Variants in FAM81B observed in about 807,000 individuals in gnomAD.
FAM81B encodes the protein protein FAM81B.
Under a neutral mutation model 58.7 loss-of-function variants are expected in FAM81B, and 60 were observed. The observed-to-expected ratio is 1.02, with a 90% CI of 0.83 to 1.27. The LOEUF (loss-of-function observed/expected upper bound fraction) is 1.27. FAM81B is among the 50% of genes most tolerant of loss of function. FAM81B has a pLI of 0.00. For missense variants in FAM81B, 491 were observed against 522.0 expected, an observed-to-expected ratio of 0.94 and a Z score of 0.58; for synonymous variants, 189 against 179.6, an observed-to-expected ratio of 1.05 and a Z score of -0.42.
intron 4 of FAM81B, among the ~76,000 whole-genome samples, chr5:95,414,595 G>A (rs6892564): frequency 0.27 from 41,699 of 151,832 alleles, 5,962 homozygotes; most frequent in Non-Finnish European, 0.3. Context: ...CTCTAGCCCC[G>A]TCTTCTACCC....
In FAM81B at chr5:95,415,482, CT is replaced by C. The variant is rs367665218; in HGVS notation, c.537+1296del. Among the ~76,000 whole-genome samples, 624 of 152,260 alleles carry C rather than the reference CT, an allele frequency of 4.1e-3. 3 individuals carry two copies. The highest frequency in any genetic ancestry group is 0.011 in the South Asian group (53 of 4,816). On this transcript the variant is annotated intron_variant, in intron 4 of 9. Transcript: ENST00000283357. ...GTGAAAAGTTAAAACTCTCAGTGAA[CT>C]TTTAAAAAGCACTTTATTGGTATTT... is the stretch of plus-strand genomic sequence containing the variant.
At chr5:95,419,500 T>C (rs1762622141) in intron 4 of FAM81B, among the ~76,000 whole-genome samples, 1 of 152,190 alleles carries the variant, frequency 6.6e-6, no homozygotes, top group Admixed American at 6.5e-5. Flanking sequence ...TACAATTTTT[T>C]TCTATGGACA....
intron 3 of FAM81B, among the ~76,000 whole-genome samples, chr5:95,407,440 A>C (rs1762285907): frequency 6.6e-6 from 1 of 151,952 alleles, no homozygotes. Flanking sequence ...GCACACAAAC[A>C]CACACGCACA....
intron 1 of FAM81B, among the ~76,000 whole-genome samples, chr5:95,392,476 G>T (rs895536496): frequency 6.6e-6 from 1 of 152,188 alleles, no homozygotes; most frequent in East Asian, 1.9e-4. Context: ...TGTTCTGCAC[G>T]TGTATCCCAG....
chr5:95,449,038 T>TG (rs1396131022), intron 9 of FAM81B, among the ~76,000 whole-genome samples: 1 of 152,168 alleles, frequency 6.6e-6, no homozygotes, highest in African/African-American at 2.4e-5. Context: ...GGGAAGGACA[T>TG]GGAATAGGTG....
intron 5 of FAM81B, chr5:95,424,077 G>T (rs1038417229): frequency 1.6e-6 from 2 of 1,289,646 alleles, no homozygotes; most frequent in Admixed American, 4.6e-5. Context: ...GCTTATACCT[G>T]AGAGAAACTG....
At chr5:95,421,251 A>C (rs1488541645) in intron 5 of FAM81B, among the ~76,000 whole-genome samples, 1 of 152,248 alleles carries the variant, frequency 6.6e-6, no homozygotes, top group Non-Finnish European at 1.5e-5. Flanking sequence ...CTGTACTAAA[A>C]GTCTGGGATG....
rs1745744250 is a variant in FAM81B at position 95,450,135 on chromosome 5, T to C, written c.1226-14T>C. 6.2e-7 allele frequency: 1 copy of C among 1,600,220 alleles called. No homozygotes were observed. The highest frequency in any genetic ancestry group is 1.4e-5 in the African/African-American group (1 of 73,726). ...GCATTGTTTAAGTGTACCTATTCTT[T>C]TACCCTCTTACAGGATTTAAATCAA... On this transcript the variant is annotated splice_polypyrimidine_tract_variant and intron_variant, in intron 9 of 9. Transcript: ENST00000283357.
intron 5 of FAM81B, among the ~76,000 whole-genome samples, chr5:95,420,622 A>G (rs147994984): frequency 4.6e-5 from 7 of 152,348 alleles, no homozygotes; most frequent in African/African-American, 1.4e-4. Context: ...TTTGATTCCA[A>G]TGGAAGCGAC....
At chr5:95,392,288 G>A (rs1761843737) in intron 1 of FAM81B, among the ~76,000 whole-genome samples, 1 of 152,156 alleles carries the variant, frequency 6.6e-6, no homozygotes. Context: ...TCACTCACAA[G>A]TGGGAGTTGA....
chr5:95,400,804 C>G lies in FAM81B; in HGVS notation c.293+4629C>G, dbSNP rs113596638. Among the ~76,000 whole-genome samples, 71 of 152,128 alleles carry G rather than the reference C, an allele frequency of 4.7e-4. 1 individual carries two copies. Among genetic ancestry groups the G allele is most frequent in the Admixed American group, 1.7e-3 (26 of 15,274 alleles). On this transcript the variant is annotated intron_variant, in intron 3 of 9. Coordinates refer to ENST00000283357, the MANE Select transcript of FAM81B (RefSeq NM_152548.3). ...CTCTCCACAGAACAGAGAGGGAGCC[C>G]TCTTCCGGGCAACCTCAGAGAGGTT...
rs1323412730 is a variant in FAM81B, at chr5:95,420,291, A to G, written c.545A>G (p.Glu182Gly). Residue 182 changes from glutamate to glycine, a missense_variant, in exon 5 of 10, where the codon GAA becomes GGA. Glu to Gly is a moderately conservative substitution (Grantham distance 98). Coordinates refer to ENST00000283357, the MANE Select transcript of FAM81B (RefSeq NM_152548.3). ...TTTGACTCAAAATTACAGATTTTAG[A>G]AGACCAAATAAGAGCTCGAGATCAG... ...KKLSQNIEIL[E>G]DQIRARDQAA... is the part of the protein sequence containing the mutation. 2 of 1,613,686 alleles carry G rather than the reference A, an allele frequency of 1.2e-6. No homozygotes were observed. The highest frequency in any genetic ancestry group is 1.1e-5 in the South Asian group (1 of 91,076).
chr5:95,408,069 C>A, intron 3 of FAM81B, among the ~76,000 whole-genome samples: 1 of 111,886 alleles, frequency 8.9e-6, no homozygotes, highest in Non-Finnish European at 1.9e-5. Context: ...TTGGCTTCCC[C>A]CAAAATGAGA....
chr5:95,447,485 G>A lies in FAM81B; in HGVS notation c.1030-784G>A, dbSNP rs78587354. Among the ~76,000 whole-genome samples, 36 of 152,348 alleles carry A rather than the reference G, an allele frequency of 2.4e-4. 2 individuals are homozygous for A. In the East Asian group the frequency reaches 6.9e-3, roughly 29 times the overall value. Reference sequence around the variant, plus strand: ...TATGTGTGGTAAGACTGCAGCTGCCGAGTGGGACTGCTAGCTCTTCACTCC... The same window carrying A: ...TATGTGTGGTAAGACTGCAGCTGCCAAGTGGGACTGCTAGCTCTTCACTCC... On this transcript the variant is annotated intron_variant, in intron 8 of 9. Transcript: ENST00000283357.
At chr5:95,419,230 C>A (rs953808876) in intron 4 of FAM81B, among the ~76,000 whole-genome samples, 2 of 152,130 alleles carry the variant, frequency 1.3e-5, no homozygotes, top group African/African-American at 4.8e-5. Flanking sequence ...AAAAAATGAG[C>A]AAGAGTCTGT....
intron 7 of FAM81B, among the ~76,000 whole-genome samples, chr5:95,444,717 A>C (rs755572133): frequency 1.3e-5 from 2 of 152,158 alleles, no homozygotes; most frequent in Non-Finnish European, 2.9e-5. Context: ...CTGTGTCAAA[A>C]ATAATGAGAG....
At chr5:95,446,005 CAT>C (rs1455720087) in intron 7 of FAM81B, among the ~76,000 whole-genome samples, 2 of 152,314 alleles carry the variant, frequency 1.3e-5, no homozygotes, top group African/African-American at 4.8e-5. Flanking sequence ...TATTTCATAA[CAT>C]GTGAATATTA....
chr5:95,405,547 G>A (rs1260475913), intron 3 of FAM81B, among the ~76,000 whole-genome samples: 2 of 151,924 alleles, frequency 1.3e-5, no homozygotes, highest in Non-Finnish European at 2.9e-5. Context: ...TAGCCTTTTA[G>A]AAATTTATTG....
At chr5:95,425,186 A>C (rs896928998) in intron 5 of FAM81B, among the ~76,000 whole-genome samples, 13 of 152,026 alleles carry the variant, frequency 8.6e-5, no homozygotes, top group African/African-American at 3.1e-4. Context: ...AAAAAAAAAA[A>C]ATCATGCCTA....
Sources: gnomAD v4.1 joint callset for allele counts (sites outside exome capture counted in the v4.1 genomes callset) on GRCh38, gnomAD v4.1.1 for gene constraint, MANE v1.5 for transcripts, NCBI Gene and HGNC (gene_info 2026-07-23, HGNC 2026-07-21) for gene names.